SORCS3: variants seen among roughly 807,000 people sequenced by gnomAD.
SORCS3 encodes VPS10 domain-containing receptor SorCS3.
In SORCS3, 57 loss-of-function variants were observed where a neutral mutation model predicts 146.3. The observed-to-expected ratio is 0.39, with a 90% CI of 0.31 to 0.49. The LOEUF (loss-of-function observed/expected upper bound fraction) is 0.49, where lower values mean the gene tolerates loss of function less well. Ranked by LOEUF, SORCS3 falls within the 20% of genes least tolerant of loss-of-function variation. The pLI is 0.92. For missense variants in SORCS3, 1,341 were observed against 1,575.5 expected (o/e 0.85, Z 2.52); for synonymous variants, 653 against 618.5 (o/e 1.06, Z -0.83).
chr10:104,879,270 G>T (rs1051624448), intron 2 of SORCS3, among the ~76,000 whole-genome samples: 4 of 152,066 alleles, frequency 2.6e-5, no homozygotes, highest in Non-Finnish European at 4.4e-5. Flanking sequence ...AGAATCTAGG[G>T]GAGAATCTAC....
chr10:104,642,098 T>TC (rs1232732566), intron 1 of SORCS3, 144 bp downstream of exon 1: 58 of 983,820 alleles, frequency 5.9e-5, no homozygotes, highest in Middle Eastern at 3.2e-4. Flanking sequence ...TTTGTCCGAT[T>TC]CCCCCCACGC....
At chr10:105,010,362 T>C (rs2055127111) in intron 4 of SORCS3, among the ~76,000 whole-genome samples, 1 of 152,230 alleles carries the variant, frequency 6.6e-6, no homozygotes, top group African/African-American at 2.4e-5. Context: ...AAGGATGGAA[T>C]CTCAGTTAGA....
intron 9 of SORCS3, among the ~76,000 whole-genome samples, chr10:105,156,753 C>T (rs1289674143): frequency 6.6e-6 from 1 of 152,172 alleles, no homozygotes; most frequent in Non-Finnish European, 1.5e-5. Flanking sequence ...TACCCATCTA[C>T]AGGCCTCTTC....
chr10:104,917,685 T>C (rs1243220041), intron 3 of SORCS3, among the ~76,000 whole-genome samples: 1 of 152,220 alleles, frequency 6.6e-6, no homozygotes, highest in Non-Finnish European at 1.5e-5. Flanking sequence ...CATTCTATTA[T>C]CTAATTCTGA....
At chr10:104,949,246 C>G (rs2019403785) in intron 3 of SORCS3, among the ~76,000 whole-genome samples, 1 of 152,146 alleles carries the variant, frequency 6.6e-6, no homozygotes, top group Non-Finnish European at 1.5e-5. Context: ...CCCACAGATA[C>G]TATGTTTGTG....
chr10:105,067,334 C>A (rs995099399), intron 5 of SORCS3, among the ~76,000 whole-genome samples: 4 of 152,200 alleles, frequency 2.6e-5, no homozygotes, highest in Admixed American at 2.6e-4. Flanking sequence ...CAGGACCAGC[C>A]TAACCAATAT....
intron 4 of SORCS3, among the ~76,000 whole-genome samples, chr10:105,032,878 A>T (rs2055278939): frequency 6.6e-6 from 1 of 152,182 alleles, no homozygotes; most frequent in African/African-American, 2.4e-5. Context: ...ACCCTTAGAG[A>T]AAGAGAAAAC....
At chr10:104,733,674 A>G (rs904932689) in intron 1 of SORCS3, among the ~76,000 whole-genome samples, 1 of 152,092 alleles carries the variant, frequency 6.6e-6, no homozygotes, top group African/African-American at 2.4e-5. Flanking sequence ...TATGTGTTTA[A>G]ATAAAGCAGC....
At chr10:105,086,334 T>C (rs1034967038) in intron 5 of SORCS3, among the ~76,000 whole-genome samples, 4 of 152,178 alleles carry the variant, frequency 2.6e-5, no homozygotes, top group South Asian at 2.1e-4. Flanking sequence ...GTGTCCACTC[T>C]AGTGAGCCAA....
intron 7 of SORCS3, among the ~76,000 whole-genome samples, chr10:105,127,384 A>C (rs1032835261): frequency 9.8e-5 from 15 of 152,290 alleles, no homozygotes; most frequent in African/African-American, 3.6e-4. Flanking sequence ...GAAGCCTAGC[A>C]AAGTGAAAAG....
chr10:105,228,842 T>C (rs1564789979), intron 20 of SORCS3, among the ~76,000 whole-genome samples: 1 of 152,236 alleles, frequency 6.6e-6, no homozygotes, highest in East Asian at 1.9e-4. Context: ...CTTTTTACTT[T>C]GCATCTTTTT....
At chr10:105,208,328 G>A (rs956062201) in intron 16 of SORCS3, among the ~76,000 whole-genome samples, 2 of 149,596 alleles carry the variant, frequency 1.3e-5, no homozygotes, top group African/African-American at 4.9e-5. Context: ...GTGACAGAGT[G>A]AGACTCTGTC....
chr10:105,256,432 A>G (rs1367395059), intron 24 of SORCS3, among the ~76,000 whole-genome samples: 1 of 152,212 alleles, frequency 6.6e-6, no homozygotes, highest in East Asian at 1.9e-4. Context: ...AAAGGAAGAG[A>G]ATGAAACACT....
At chr10:105,236,296 T>G (rs2056792645) in intron 20 of SORCS3, among the ~76,000 whole-genome samples, 1 of 152,134 alleles carries the variant, frequency 6.6e-6, no homozygotes, top group African/African-American at 2.4e-5. Flanking sequence ...CCATTTATCA[T>G]GCACTCTCCC....
chr10:105,258,086 G>A (rs1334351780), intron 25 of SORCS3, among the ~76,000 whole-genome samples: 3 of 152,034 alleles, frequency 2.0e-5, no homozygotes, highest in African/African-American at 7.3e-5. Context: ...CTCTCCTTTA[G>A]TGGCTATTTC....
At chr10:104,952,931 G>T (rs1370200889) in intron 3 of SORCS3, among the ~76,000 whole-genome samples, 1 of 152,220 alleles carries the variant, frequency 6.6e-6, no homozygotes, top group African/African-American at 2.4e-5. Flanking sequence ...CTCCACAGTT[G>T]ATGCTAATTA....
chr10:104,857,337 A>G (rs2133557661), intron 2 of SORCS3, among the ~76,000 whole-genome samples: 1 of 152,260 alleles, frequency 6.6e-6, no homozygotes, highest in South Asian at 2.1e-4. Flanking sequence ...GGTTGTAAAC[A>G]GATATTATAG....
chr10:105,168,635 A>G (rs2056334741), intron 13 of SORCS3, among the ~76,000 whole-genome samples: 1 of 152,142 alleles, frequency 6.6e-6, no homozygotes, highest in African/African-American at 2.4e-5. Context: ...TCGGACTGTA[A>G]TCAGGAAAGG....
intron 1 of SORCS3, among the ~76,000 whole-genome samples, chr10:104,837,440 G>T (rs1271657446): frequency 6.6e-6 from 1 of 152,154 alleles, no homozygotes; most frequent in East Asian, 1.9e-4. Context: ...TCTGTATATA[G>T]CTTGTAAGAA....
Sources: gnomAD v4.1 joint callset for allele counts (sites outside exome capture counted in the v4.1 genomes callset) on GRCh38, gnomAD v4.1.1 for gene constraint, MANE v1.5 for transcripts, NCBI Gene and HGNC (gene_info 2026-07-23, HGNC 2026-07-21) for gene names.